Variants in SPAG16 observed in about 807,000 individuals in gnomAD.
The protein encoded by SPAG16 is sperm associated antigen 16, also known as sperm-associated antigen 16 protein.
SPAG16 carries 86 observed loss-of-function variants against 80.4 expected under a neutral mutation model. The ratio of observed to expected loss-of-function variants is 1.07; its 90% CI spans 0.90 to 1.28. The LOEUF (loss-of-function observed/expected upper bound fraction) is 1.28. Among genes scored for constraint, SPAG16 ranks in the 50% most tolerant of loss-of-function variants. The probability of loss-of-function intolerance (pLI) is 0.00; values close to 1 mark genes in which losing one functional copy is unlikely to be tolerated. For missense variants in SPAG16, 870 were observed against 765.3 expected (o/e 1.14, Z -1.61); for synonymous variants, 294 against 265.9 (o/e 1.11, Z -1.03).
intron 15 of SPAG16, among the ~76,000 whole-genome samples, chr2:214,318,265 G>A (rs1216843022): frequency 6.6e-6 from 1 of 150,986 alleles, no homozygotes; most frequent in Non-Finnish European, 1.5e-5. Context: ...AGGAAACCCA[G>A]CAAATGTTAG....
At chr2:213,896,876 T>C (rs12469168) in intron 11 of SPAG16, among the ~76,000 whole-genome samples, 36,114 of 151,604 alleles carry the variant, frequency 0.24, 4,915 homozygotes, top group South Asian at 0.37. Context: ...AATCTCATAA[T>C]TAAAGGGAGT....
At chr2:214,319,200 C>CACACA (rs140486125) in intron 15 of SPAG16, among the ~76,000 whole-genome samples, 2 of 142,340 alleles carry the variant, frequency 1.4e-5, no homozygotes, top group South Asian at 2.3e-4. Flanking sequence ...CACACACACA[C>CACACA]CACACACACA....
chr2:213,678,196 A>G (rs2064193078), intron 10 of SPAG16, among the ~76,000 whole-genome samples: 1 of 152,202 alleles, frequency 6.6e-6, no homozygotes, highest in Non-Finnish European at 1.5e-5. Context: ...CCCTAACATC[A>G]CAATTAAAAG....
intron 13 of SPAG16, among the ~76,000 whole-genome samples, chr2:214,083,897 A>G (rs892246470): frequency 6.6e-6 from 1 of 152,130 alleles, no homozygotes; most frequent in Middle Eastern, 3.4e-3. Context: ...GACTCTTATT[A>G]TTGCATCCTT....
chr2:213,493,038 C>A (rs1190761737), intron 10 of SPAG16, among the ~76,000 whole-genome samples: 1 of 152,124 alleles, frequency 6.6e-6, no homozygotes, highest in Non-Finnish European at 1.5e-5. Context: ...TGTGTCAGAT[C>A]TGGTTAACCC....
At chr2:214,303,178 G>A (rs1694682491) in intron 15 of SPAG16, among the ~76,000 whole-genome samples, 1 of 152,148 alleles carries the variant, frequency 6.6e-6, no homozygotes, top group Non-Finnish European at 1.5e-5. Flanking sequence ...TTGTTAGCTA[G>A]TTGCTTTGTA....
intron 9 of SPAG16, among the ~76,000 whole-genome samples, chr2:213,391,242 T>C: frequency 6.6e-6 from 1 of 152,196 alleles, no homozygotes. Context: ...CACTCCAACC[T>C]GGGCGATGGA....
At chr2:213,307,339 A>T (rs913160511) in intron 3 of SPAG16, among the ~76,000 whole-genome samples, 1 of 135,366 alleles carries the variant, frequency 7.4e-6, no homozygotes, top group Non-Finnish European at 1.6e-5. Flanking sequence ...ATATCTCCCA[A>T]TGCTATCCCT....
chr2:213,289,929 A>C (rs922173015), intron 1 of SPAG16, among the ~76,000 whole-genome samples: 12 of 152,228 alleles, frequency 7.9e-5, no homozygotes, highest in Admixed American at 3.3e-4. Flanking sequence ...ACATCTGAAA[A>C]TTATTCATTG....
At chr2:213,856,878 AGCT>A (rs1321833721) in intron 10 of SPAG16, among the ~76,000 whole-genome samples, 1 of 152,224 alleles carries the variant, frequency 6.6e-6, no homozygotes, top group Non-Finnish European at 1.5e-5. Context: ...CTGAAGTAGA[AGCT>A]ATAACGAGTT....
chr2:213,437,912 A>G (rs1178903022), intron 9 of SPAG16, among the ~76,000 whole-genome samples: 2 of 152,154 alleles, frequency 1.3e-5, no homozygotes, highest in African/African-American at 4.8e-5. Context: ...AGTGGCAGAA[A>G]CCCATCTCAA....
At position 213,297,921 on chromosome 2, in the gene SPAG16, A is replaced by C. The variant is rs565652231; in HGVS notation, c.279+564A>C. 3.3e-5 allele frequency among the ~76,000 whole-genome samples: 5 copies of C among 152,290 alleles called. No individual in the cohort carries two copies. In the South Asian group the frequency reaches 1.0e-3, roughly 32 times the overall value. ...TAATATGATGGCAAAAATATTTTTA[A>C]AAATGTTTTATTTTGTACCAACATT... On this transcript the variant is annotated intron_variant, in intron 3 of 15. Coordinates refer to ENST00000331683, the MANE Select transcript of SPAG16 (RefSeq NM_024532.5).
At chr2:213,532,092 G>C (rs2076090180) in intron 10 of SPAG16, among the ~76,000 whole-genome samples, 1 of 151,992 alleles carries the variant, frequency 6.6e-6, no homozygotes, top group African/African-American at 2.4e-5. Flanking sequence ...CCAAAATTCT[G>C]GTTTGTAAAA....
intron 11 of SPAG16, among the ~76,000 whole-genome samples, chr2:213,928,311 C>T (rs958758625): frequency 6.6e-6 from 1 of 150,658 alleles, no homozygotes; most frequent in Non-Finnish European, 1.5e-5. Context: ...CCAGGATGGT[C>T]TCTATCTCCT....
intron 10 of SPAG16, among the ~76,000 whole-genome samples, chr2:213,740,498 T>TTTAAGTCTTCTGGTAGATTGCGTTGTAG (rs2067497418): frequency 6.6e-6 from 1 of 152,224 alleles, no homozygotes; most frequent in Admixed American, 6.5e-5. Context: ...AGAAGTCAAT[T>TTTAAGTCTTCTGGTAGATTGCGTTGTAG]TTAAGTCTTC....
chr2:214,338,189 G>A (rs552353463), intron 15 of SPAG16, among the ~76,000 whole-genome samples: 2 of 152,132 alleles, frequency 1.3e-5, no homozygotes, highest in South Asian at 4.1e-4. Flanking sequence ...ATTTTGAATT[G>A]ATAGTATATC....
At chr2:214,370,510 T>G (rs912392573) in intron 15 of SPAG16, among the ~76,000 whole-genome samples, 3 of 152,178 alleles carry the variant, frequency 2.0e-5, no homozygotes, top group African/African-American at 7.2e-5. Context: ...ATACATATTG[T>G]TAAGTTATTA....
At chr2:214,135,494 G>T (rs2055000245) in intron 14 of SPAG16, among the ~76,000 whole-genome samples, 1 of 152,110 alleles carries the variant, frequency 6.6e-6, no homozygotes, top group African/African-American at 2.4e-5. Context: ...CCGGAGTTCG[G>T]ATGTCTGACC....
At chr2:213,426,842 C>T (rs1397335192) in intron 9 of SPAG16, among the ~76,000 whole-genome samples, 6 of 25,140 alleles carry the variant, frequency 2.4e-4, no homozygotes, top group African/African-American at 5.1e-4. Context: ...TACATACACA[C>T]ACACACACAC....
Sources: allele counts gnomAD v4.1 joint callset (sites outside exome capture counted in the v4.1 genomes callset), GRCh38; gene constraint gnomAD v4.1.1; transcripts MANE v1.5; gene names NCBI Gene and HGNC (gene_info 2026-07-23, HGNC 2026-07-21).